ZNF160: variants seen among roughly 807,000 people sequenced by gnomAD.
ZNF160 encodes the protein KRAB zinc finger protein KR18.
A neutral mutation model predicts 13.1 loss-of-function variants in ZNF160; 9 were observed. The ratio of observed to expected loss-of-function variants is 0.69; its 90% CI spans 0.41 to 1.20. The LOEUF is 1.20. Among genes scored for constraint, ZNF160 ranks in the 50% most tolerant of loss-of-function variants. ZNF160 has a pLI of 0.01. For missense variants in ZNF160, 838 were observed against 988.0 expected (o/e 0.85, Z 2.04); for synonymous variants, 293 against 333.2 (o/e 0.88, Z 1.31).
chr19:53,094,943 G>C (rs2085167062), intron 1 of ZNF160, among the ~76,000 whole-genome samples: 1 of 151,938 alleles, frequency 6.6e-6, no homozygotes, highest in Admixed American at 6.6e-5. Flanking sequence ...CACAGCCCAG[G>C]CTGCACCATA....
chr19:53,086,502 A>G (rs1409590610), intron 2 of ZNF160, among the ~76,000 whole-genome samples, 181 bp from the exon 3 acceptor site: 1 of 152,130 alleles, frequency 6.6e-6, no homozygotes, highest in African/African-American at 2.4e-5. Context: ...AGAAACTCCT[A>G]CAGGAAGAAG....
intron 5 of ZNF160, among the ~76,000 whole-genome samples, chr19:53,070,520 C>T (rs188666346): frequency 0.01 from 1,534 of 152,096 alleles, 29 homozygotes; most frequent in African/African-American, 0.036. Flanking sequence ...ACACCATTCT[C>T]CCGCCTCAGC....
At position 53,092,903 on chromosome 19, in the gene ZNF160, C is replaced by T. The variant is rs899830885; in HGVS notation, c.-353-1183G>A. Among the ~76,000 whole-genome samples, 6 of 152,158 alleles carry T rather than the reference C, an allele frequency of 3.9e-5. 1 individual carries two copies. Among genetic ancestry groups the T allele is most frequent in the Non-Finnish European group, 7.3e-5 (5 of 68,036 alleles). On this transcript the variant is annotated intron_variant, in intron 1 of 5. Coordinates refer to ENST00000683776, the MANE Select transcript of ZNF160 (RefSeq NM_001322131.2). ...GATTTGGGGACTTTTGCAAGGTAGA[C>T]TGCTCTGTGTTACGCAATATTGCTA...
At chr19:53,072,519 T>C (rs1207594810) in intron 5 of ZNF160, among the ~76,000 whole-genome samples, 1 of 152,136 alleles carries the variant, frequency 6.6e-6, no homozygotes, top group Non-Finnish European at 1.5e-5. Context: ...ACTGCATATA[T>C]AAAATGTTCT....
At chr19:53,088,602 T>C (rs2084928895) in intron 2 of ZNF160, among the ~76,000 whole-genome samples, 1 of 152,172 alleles carries the variant, frequency 6.6e-6, no homozygotes, top group Non-Finnish European at 1.5e-5. Flanking sequence ...TAGGTACTTA[T>C]TACAGAGGGA....
intron 5 of ZNF160, among the ~76,000 whole-genome samples, chr19:53,073,710 TAA>T (rs2084270940): frequency 6.6e-6 from 1 of 152,222 alleles, no homozygotes; most frequent in African/African-American, 2.4e-5. Flanking sequence ...TCCATCATGA[TAA>T]AGACTTTGCC....
At chr19:53,079,005 T>C in intron 3 of ZNF160, among the ~76,000 whole-genome samples, 1 of 151,864 alleles carries the variant, frequency 6.6e-6, no homozygotes, top group East Asian at 1.9e-4. Context: ...GAAACAAAAG[T>C]GTAAGATATT....
Position 53,068,047 on chromosome 19 carries a change from A to T in ZNF160, c.*30T>A. 1 of 1,554,904 alleles carries T rather than the reference A, an allele frequency of 6.4e-7. No homozygotes were observed. On this transcript the variant is annotated 3_prime_UTR_variant, in exon 6 of 6. Transcript: ENST00000683776. Reference sequence around the variant, plus strand: ...GAATGAAATTAACTGATGTGAAAGGAGTGAATTGTACCTAATGACCTCACC... The same window carrying T: ...GAATGAAATTAACTGATGTGAAAGGTGTGAATTGTACCTAATGACCTCACC...
intron 1 of ZNF160, among the ~76,000 whole-genome samples, chr19:53,100,647 T>TA (rs113144791): frequency 7.3e-4 from 107 of 146,802 alleles, no homozygotes; most frequent in African/African-American, 1.7e-3. Flanking sequence ...ATGTTAACGT[T>TA]AAAAAAAAAA....
intron 3 of ZNF160, among the ~76,000 whole-genome samples, chr19:53,076,281 A>G (rs560208403): frequency 1.3e-5 from 2 of 152,384 alleles, no homozygotes; most frequent in African/African-American, 4.8e-5. Flanking sequence ...GTTAGACATT[A>G]TGTTTGACAT....
chr19:53,073,426 G>A (rs770832696), intron 5 of ZNF160: 8 of 1,598,396 alleles, frequency 5.0e-6, no homozygotes, highest in Non-Finnish European at 5.1e-6. Flanking sequence ...CTCGACAGGC[G>A]GAGACGGCTG....
intron 3 of ZNF160, among the ~76,000 whole-genome samples, chr19:53,076,579 C>T (rs540475356): frequency 2.6e-5 from 4 of 152,226 alleles, no homozygotes; most frequent in African/African-American, 4.8e-5. Flanking sequence ...GTAGAAGTTG[C>T]GGTGAGCCGA....
At chr19:53,085,919 G>T in intron 3 of ZNF160, 1 of 944,018 alleles carries the variant, frequency 1.1e-6, no homozygotes, top group Non-Finnish European at 1.6e-6. Context: ...GGCAGCTTCT[G>T]TTATCATGGT....
chr19:53,096,377 C>A (rs1396013569), intron 1 of ZNF160, among the ~76,000 whole-genome samples: 1 of 151,914 alleles, frequency 6.6e-6, no homozygotes, highest in African/African-American at 2.4e-5. Flanking sequence ...AGGGGCAGAG[C>A]CAAGGGCCCT....
chr19:53,088,237 C>T (rs2084914124), intron 2 of ZNF160, among the ~76,000 whole-genome samples: 1 of 151,888 alleles, frequency 6.6e-6, no homozygotes, highest in Admixed American at 6.6e-5. Flanking sequence ...TACATGCTAC[C>T]GACAGGAAGA....
chr19:53,093,282 A>T (rs1046582072), intron 1 of ZNF160, among the ~76,000 whole-genome samples: 2 of 152,326 alleles, frequency 1.3e-5, no homozygotes, highest in African/African-American at 4.8e-5. Context: ...TCTACTAAAA[A>T]TACAAAAATT....
intron 1 of ZNF160, among the ~76,000 whole-genome samples, chr19:53,103,043 G>T (rs1170509206): frequency 6.6e-6 from 1 of 152,188 alleles, no homozygotes; most frequent in East Asian, 1.9e-4. Context: ...AGCGAGGCTG[G>T]GAGGCGCCCA....
intron 3 of ZNF160, among the ~76,000 whole-genome samples, chr19:53,081,212 A>C (rs1325718001): frequency 6.6e-6 from 1 of 152,180 alleles, no homozygotes; most frequent in East Asian, 1.9e-4. Context: ...AAATGCAGCA[A>C]ATAAAAGGAA....
At chr19:53,073,190 T>C in intron 5 of ZNF160, 1 of 1,419,040 alleles carries the variant, frequency 7.0e-7, no homozygotes, top group Non-Finnish European at 9.2e-7. Flanking sequence ...GTTTTATTGG[T>C]TTAGATTCCA....
Sources: allele counts gnomAD v4.1 joint callset (sites outside exome capture counted in the v4.1 genomes callset), GRCh38; gene constraint gnomAD v4.1.1; transcripts MANE v1.5; gene names NCBI Gene and HGNC (gene_info 2026-07-23, HGNC 2026-07-21).